Variants in MTA3 observed in about 807,000 individuals in gnomAD.
The protein encoded by MTA3 is metastasis associated 1 family member 3, also known as metastasis-associated protein MTA3.
In MTA3, 34 loss-of-function variants were observed where a neutral mutation model predicts 83.5. The ratio of observed to expected loss-of-function variants is 0.41; its 90% CI spans 0.31 to 0.54. The LOEUF is 0.54. Among genes scored for constraint, MTA3 ranks in the 20% least tolerant of loss-of-function variants. The pLI is 0.33. For synonymous variants in MTA3, 303 were observed against 252.7 expected, an observed-to-expected ratio of 1.20 and a Z score of -1.89; for missense variants, 761 against 726.4, an observed-to-expected ratio of 1.05 and a Z score of -0.55.
intron 3 of MTA3, among the ~76,000 whole-genome samples, chr2:42,605,082 C>A (rs898818739): frequency 6.6e-6 from 1 of 151,132 alleles, no homozygotes; most frequent in East Asian, 1.9e-4. Flanking sequence ...CTGGCCCGTT[C>A]TCAATGAGCT....
At chr2:42,579,353 AC>A (rs1478532153) in intron 3 of MTA3, among the ~76,000 whole-genome samples, 153 bp downstream of exon 3, 1 of 150,328 alleles carries the variant, frequency 6.7e-6, no homozygotes, top group African/African-American at 2.4e-5. Context: ...ACTAACTGAA[AC>A]CAAACACTGG....
At chr2:42,550,441 T>C (rs1467659647) in intron 2 of MTA3, among the ~76,000 whole-genome samples, 1 of 152,136 alleles carries the variant, frequency 6.6e-6, no homozygotes, top group African/African-American at 2.4e-5. Context: ...AGTAGTGTAA[T>C]GGAGGTGTTA....
intron 2 of MTA3, among the ~76,000 whole-genome samples, chr2:42,505,853 C>G (rs903973223): frequency 7.3e-5 from 11 of 151,112 alleles, no homozygotes; most frequent in African/African-American, 2.4e-4. Context: ...ACTGCAGCCT[C>G]CATCTCCCAG....
At chr2:42,739,162 A>G (rs1468844684) in intron 16 of MTA3, among the ~76,000 whole-genome samples, 1 of 152,140 alleles carries the variant, frequency 6.6e-6, no homozygotes, top group Non-Finnish European at 1.5e-5. Flanking sequence ...CTTGTGGGGC[A>G]TCACAGATCC....
intron 6 of MTA3, 55 bp downstream of exon 6, chr2:42,644,299 A>AAT: frequency 8.6e-7 from 1 of 1,160,580 alleles, no homozygotes; most frequent in South Asian, 1.3e-5. Flanking sequence ...TTGAAACTCA[A>AAT]ATATACATGT....
intron 4 of MTA3, among the ~76,000 whole-genome samples, chr2:42,624,369 T>G (rs1685876007): frequency 6.6e-6 from 1 of 152,182 alleles, no homozygotes; most frequent in African/African-American, 2.4e-5. Flanking sequence ...TTGCCCAGGC[T>G]GGAGTGCAGT....
At chr2:42,551,607 A>C (rs566186112) in intron 2 of MTA3, among the ~76,000 whole-genome samples, 2 of 152,250 alleles carry the variant, frequency 1.3e-5, no homozygotes, top group Admixed American at 1.3e-4. Context: ...AACATATTGT[A>C]AGTACAATAT....
intron 3 of MTA3, among the ~76,000 whole-genome samples, chr2:42,583,679 C>T (rs1679929294): frequency 6.6e-6 from 1 of 152,066 alleles, no homozygotes; most frequent in South Asian, 2.1e-4. Flanking sequence ...CACGCGCATG[C>T]CACCATGCCT....
rs562972379 is a variant in MTA3 at position 42,698,679 on chromosome 2, T to G, written c.1025+845T>G. The stretch of plus-strand genomic sequence containing the variant: ...TCCCTCTTCAACCTATTTACAGTTG[T>G]TTAATAACTAGCCTTTTGTTTCTGG... On this transcript the variant is annotated intron_variant, in intron 11 of 16. Coordinates refer to ENST00000405094, the MANE Select transcript of MTA3 (RefSeq NM_001330442.2). 1.1e-4 allele frequency among the ~76,000 whole-genome samples: 16 copies of G among 152,298 alleles called. No homozygotes were observed. In the South Asian group the frequency reaches 1.4e-3, roughly 14 times the overall value.
chr2:42,607,878 G>C (rs1387614608), intron 3 of MTA3, among the ~76,000 whole-genome samples: 1 of 152,204 alleles, frequency 6.6e-6, no homozygotes, highest in Non-Finnish European at 1.5e-5. Context: ...TTGAACCCGG[G>C]AGATGGAGGT....
intron 6 of MTA3, among the ~76,000 whole-genome samples, chr2:42,654,354 G>A (rs894572610): frequency 6.6e-6 from 1 of 152,176 alleles, no homozygotes; most frequent in African/African-American, 2.4e-5. Flanking sequence ...GGAATGGTTG[G>A]CTTCAGAGTA....
chr2:42,610,570 C>T (rs562743791), intron 4 of MTA3, among the ~76,000 whole-genome samples: 8 of 152,174 alleles, frequency 5.3e-5, no homozygotes, highest in South Asian at 2.1e-4. Context: ...TGAGGAAAAA[C>T]GGTGGTTTTC....
At chr2:42,644,087 A>C in intron 5 of MTA3, 40 bp from the exon 6 acceptor site, 1 of 1,206,718 alleles carries the variant, frequency 8.3e-7, no homozygotes, top group Admixed American at 2.1e-5. Flanking sequence ...AAGAAGTAGA[A>C]GGAATTAAGT....
intron 3 of MTA3, among the ~76,000 whole-genome samples, chr2:42,600,542 GTTTC>G (rs1682432006): frequency 6.8e-6 from 1 of 147,534 alleles, no homozygotes; most frequent in Admixed American, 6.8e-5. Context: ...TCAGGCCCAT[GTTTC>G]TTTGTTTTGT....
chr2:42,704,714 C>G (rs1183884770), intron 12 of MTA3, among the ~76,000 whole-genome samples: 2 of 152,144 alleles, frequency 1.3e-5, no homozygotes, highest in Admixed American at 6.6e-5. Context: ...GTAGGAAAGG[C>G]CTCTGTGTGG....
chr2:42,593,540 G>C (rs1423709937), intron 3 of MTA3, among the ~76,000 whole-genome samples: 2 of 152,128 alleles, frequency 1.3e-5, no homozygotes, highest in Non-Finnish European at 2.9e-5. Context: ...TACCGCTATA[G>C]TGTCACTGGG....
At chr2:42,601,680 G>A (rs1179556177) in intron 3 of MTA3, among the ~76,000 whole-genome samples, 1 of 151,828 alleles carries the variant, frequency 6.6e-6, no homozygotes, top group East Asian at 1.9e-4. Flanking sequence ...ACGCCACGAA[G>A]CCCACCTAAT....
At chr2:42,571,449 G>A (rs919745121) in intron 2 of MTA3, among the ~76,000 whole-genome samples, 1 of 148,906 alleles carries the variant, frequency 6.7e-6, no homozygotes, top group African/African-American at 2.5e-5. Context: ...TCTGAATTCC[G>A]AATATTCTTT....
At chr2:42,529,722 T>A (rs1463167730) in intron 2 of MTA3, among the ~76,000 whole-genome samples, 1 of 152,166 alleles carries the variant, frequency 6.6e-6, no homozygotes, top group Non-Finnish European at 1.5e-5. Context: ...ACTTCATCCA[T>A]CTGAATTTCC....
Sources: allele counts gnomAD v4.1 joint callset (sites outside exome capture counted in the v4.1 genomes callset), GRCh38; gene constraint gnomAD v4.1.1; transcripts MANE v1.5; gene names NCBI Gene and HGNC (gene_info 2026-07-23, HGNC 2026-07-21).